The following DCTD variants were observed in gnomAD, a reference collection of about 807,000 sequenced individuals.
DCTD encodes the protein dCMP deaminase.
Under a neutral mutation model 21.0 loss-of-function variants are expected in DCTD, and 23 were observed. That is an observed-to-expected ratio of 1.09 (90% CI 0.79 to 1.55). The LOEUF (loss-of-function observed/expected upper bound fraction) is 1.55. Among genes scored for constraint, DCTD ranks in the 40% most tolerant of loss-of-function variants. The pLI, the probability that DCTD is intolerant of heterozygous loss-of-function variation, is 0.00. For missense variants in DCTD, 224 were observed against 230.0 expected, an observed-to-expected ratio of 0.97 and a Z score of 0.17; for synonymous variants, 71 against 81.1, an observed-to-expected ratio of 0.88 and a Z score of 0.67.
intron 3 of DCTD, among the ~76,000 whole-genome samples, chr4:182,901,858 G>T (rs1579710049): frequency 6.6e-6 from 1 of 150,946 alleles, no homozygotes; most frequent in African/African-American, 2.4e-5. Context: ...ATTTCTTCCT[G>T]AAGTTAGGGC....
intron 3 of DCTD, among the ~76,000 whole-genome samples, chr4:182,902,902 G>T (rs1183736818): frequency 6.6e-6 from 1 of 152,208 alleles, no homozygotes; most frequent in Non-Finnish European, 1.5e-5. Flanking sequence ...TCTAGGCACT[G>T]CTCGCAGGTG....
intron 1 of DCTD, chr4:182,916,474 C>G (rs1015275755): frequency 4.1e-6 from 4 of 985,500 alleles, no homozygotes; most frequent in Admixed American, 6.1e-5. Context: ...GCAAGCATCT[C>G]CCAAAACTTC....
chr4:182,914,100 T>C (rs1738243367), intron 3 of DCTD, among the ~76,000 whole-genome samples: 1 of 152,172 alleles, frequency 6.6e-6, no homozygotes, highest in Non-Finnish European at 1.5e-5. Flanking sequence ...CTCCACCTCC[T>C]GAGTTCAAGC....
At chr4:182,917,472 A>C (rs1738954335), upstream of DCTD, 2 of 148,908 alleles carry the variant, frequency 1.3e-5, no homozygotes, top group Non-Finnish European at 2.7e-5. This position sits in a 1 kb window ranked among gnomAD's most constrained non-coding sequence, Gnocchi z 4.9. Flanking sequence ...GGGGGCCCGA[A>C]GCCCTGAGGG....
chr4:182,912,099 G>C (rs780800654), intron 3 of DCTD, among the ~76,000 whole-genome samples: 24 of 151,094 alleles, frequency 1.6e-4, no homozygotes, highest in Admixed American at 7.9e-4. Context: ...CCAACTCCAG[G>C]CAGTATCCCC....
intron 3 of DCTD, among the ~76,000 whole-genome samples, chr4:182,900,469 C>T (rs1478750099): frequency 6.6e-6 from 1 of 152,078 alleles, no homozygotes; most frequent in East Asian, 1.9e-4. Flanking sequence ...GGATGAACTG[C>T]AGCAAGAGCT....
intron 3 of DCTD, among the ~76,000 whole-genome samples, chr4:182,897,680 A>C: frequency 6.6e-6 from 1 of 152,018 alleles, no homozygotes; most frequent in African/African-American, 2.4e-5. Flanking sequence ...GATCAGCCCC[A>C]CCCTGGTCTC....
At chr4:182,915,357 C>T in intron 2 of DCTD, 104 bp downstream of exon 2, 2 of 844,568 alleles carry the variant, frequency 2.4e-6, no homozygotes, top group Non-Finnish European at 4.0e-6. Flanking sequence ...ACCGACCCTG[C>T]ACTTTTAAGT....
Position 182,905,476 on chromosome 4 carries a change from G to A in DCTD, c.244+9447C>T, listed in dbSNP as rs1024056803. Among the ~76,000 whole-genome samples the A allele has an allele frequency of 2.6e-5, 4 of 151,806 alleles. No individual in the cohort carries two copies. In the East Asian group the frequency reaches 5.8e-4, roughly 22 times the overall value. On this transcript the variant is annotated intron_variant, in intron 3 of 5. Coordinates refer to ENST00000438320, the MANE Select transcript of DCTD (RefSeq NM_001921.3). ...CCCAAGTAGCTGGGACTACAGGCAC[G>A]CACCAACACGCCCAGCTAATTTTTG...
chr4:182,897,353 A>G (rs1734917424), intron 3 of DCTD, among the ~76,000 whole-genome samples: 1 of 150,166 alleles, frequency 6.7e-6, no homozygotes, highest in Admixed American at 6.6e-5. Flanking sequence ...TCATATCTGA[A>G]TATTAATACC....
intron 3 of DCTD, among the ~76,000 whole-genome samples, chr4:182,895,594 G>A (rs1734597272): frequency 6.6e-6 from 1 of 152,152 alleles, no homozygotes; most frequent in South Asian, 2.1e-4. Context: ...ATCCACAGGC[G>A]ACATCCTCCT....
intron 3 of DCTD, among the ~76,000 whole-genome samples, chr4:182,906,470 G>A (rs967672833): frequency 9.2e-5 from 14 of 152,156 alleles, no homozygotes; most frequent in Admixed American, 7.9e-4. Context: ...CCCTAGAAGT[G>A]TCTGCTGAAT....
chr4:182,900,823 G>A (rs1307511351), intron 3 of DCTD, among the ~76,000 whole-genome samples: 1 of 150,152 alleles, frequency 6.7e-6, no homozygotes, highest in East Asian at 2.0e-4. Context: ...GAGACTTTCT[G>A]TTTCAGGTAA....
At chr4:182,896,270 T>G (rs1579675115) in intron 3 of DCTD, among the ~76,000 whole-genome samples, 1 of 152,230 alleles carries the variant, frequency 6.6e-6, no homozygotes, top group Non-Finnish European at 1.5e-5. Context: ...CGTGTTCGGG[T>G]GCAGCTGCAG....
In DCTD at chr4:182,904,821, G is replaced by A. The variant is rs1489272286; in HGVS notation, c.244+10102C>T. On this transcript the variant is annotated intron_variant, in intron 3 of 5. Transcript: ENST00000438320. ...CCTTTCGCTCCAGGACCCTGTGTCT[G>A]CTGTCCTCCCACCTCCCCTCTCAGT... is the stretch of plus-strand genomic sequence containing the variant. Among the ~76,000 whole-genome samples the A allele has an allele frequency of 4.6e-5, 7 of 152,146 alleles. No homozygotes were observed. In the East Asian group the frequency reaches 1.2e-3, roughly 25 times the overall value.
At chr4:182,906,388 A>G (rs1489406322) in intron 3 of DCTD, among the ~76,000 whole-genome samples, 1 of 152,230 alleles carries the variant, frequency 6.6e-6, no homozygotes, top group African/African-American at 2.4e-5. Context: ...AAACTCTTCA[A>G]AAACAGAGAC....
At chr4:182,897,508 A>C (rs1006357495) in intron 3 of DCTD, among the ~76,000 whole-genome samples, 2 of 53,018 alleles carry the variant, frequency 3.8e-5, no homozygotes, top group East Asian at 9.2e-4. Flanking sequence ...TTTAGCACCC[A>C]TATATATATA....
intron 3 of DCTD, among the ~76,000 whole-genome samples, chr4:182,895,071 C>T (rs75647792): frequency 0.054 from 8,171 of 152,310 alleles, 716 homozygotes; most frequent in African/African-American, 0.18. Flanking sequence ...AGCCCACATA[C>T]GCACAAGGAA....
intron 3 of DCTD, among the ~76,000 whole-genome samples, chr4:182,910,663 T>C (rs1170233246): frequency 6.6e-6 from 1 of 152,222 alleles, no homozygotes; most frequent in African/African-American, 2.4e-5. Context: ...TTCCTGCCAC[T>C]TAATGTTACT....
Sources: allele counts gnomAD v4.1 joint callset (sites outside exome capture counted in the v4.1 genomes callset), GRCh38; gene constraint gnomAD v4.1.1; non-coding constraint Gnocchi (gnomAD v3.1); transcripts MANE v1.5; gene names NCBI Gene and HGNC (gene_info 2026-07-23, HGNC 2026-07-21).